The following STRIP2 variants were observed in gnomAD, a reference collection of about 807,000 sequenced individuals.
STRIP2 encodes striatin-interacting protein 2.
A neutral mutation model predicts 107.1 loss-of-function variants in STRIP2; 84 were observed. That is an observed-to-expected ratio of 0.78 (90% CI 0.66 to 0.94). The LOEUF (loss-of-function observed/expected upper bound fraction) is 0.94. Among genes scored for constraint, STRIP2 ranks in the 40% least tolerant of loss-of-function variants. The probability of loss-of-function intolerance (pLI) is 0.00; values close to 1 mark genes in which losing one functional copy is unlikely to be tolerated. For synonymous variants in STRIP2, 394 were observed against 400.4 expected, an observed-to-expected ratio of 0.98 and a Z score of 0.19; for missense variants, 888 against 1,034.2, an observed-to-expected ratio of 0.86 and a Z score of 1.94.
chr7:129,456,813 C>T (rs1316048322), intron 9 of STRIP2, among the ~76,000 whole-genome samples, 171 bp downstream of exon 9: 1 of 152,134 alleles, frequency 6.6e-6, no homozygotes, highest in Non-Finnish European at 1.5e-5. Flanking sequence ...CTCTGTCCCC[C>T]AGCCCTGACA....
At chr7:129,475,760 A>G (rs951536443) in intron 18 of STRIP2, among the ~76,000 whole-genome samples, 41 of 152,088 alleles carry the variant, frequency 2.7e-4, no homozygotes, top group African/African-American at 9.4e-4. Context: ...GGGAGTGGTG[A>G]TGACTCTTAA....
intron 15 of STRIP2, among the ~76,000 whole-genome samples, 189 bp downstream of exon 15, chr7:129,464,330 C>A (rs991396156): frequency 1.3e-5 from 2 of 151,986 alleles, no homozygotes; most frequent in Non-Finnish European, 2.9e-5. Flanking sequence ...AACTCTGGAT[C>A]TGGAGGGTGA....
At chr7:129,467,509 C>A in intron 17 of STRIP2, 59 bp downstream of exon 17, 1 of 1,257,186 alleles carries the variant, frequency 8.0e-7, no homozygotes, top group Non-Finnish European at 1.1e-6. Context: ...GAGAAAATTA[C>A]ATCATCTCGG....
intron 2 of STRIP2, among the ~76,000 whole-genome samples, chr7:129,443,249 A>G (rs1277343793): frequency 6.6e-6 from 1 of 152,140 alleles, no homozygotes; most frequent in Non-Finnish European, 1.5e-5. Flanking sequence ...TATGTTGCCC[A>G]GGCTAGACTC....
chr7:129,473,908 A>G (rs973276717), intron 18 of STRIP2, among the ~76,000 whole-genome samples: 5 of 151,512 alleles, frequency 3.3e-5, no homozygotes, highest in Non-Finnish European at 7.4e-5. Context: ...TAGTAGAGAC[A>G]GTGTTGTACT....
chr7:129,454,050 G>C, intron 5 of STRIP2, 92 bp from the exon 6 acceptor site: 1 of 1,203,824 alleles, frequency 8.3e-7, no homozygotes. Context: ...GCCAGGGAAT[G>C]GCAAGCACTC....
chr7:129,454,255 C>T (rs779474799), intron 6 of STRIP2, 45 bp downstream of exon 6: 2 of 1,592,404 alleles, frequency 1.3e-6, no homozygotes, highest in Non-Finnish European at 1.7e-6. Context: ...AGATGATTAG[C>T]ACCTGGGTTA....
intron 18 of STRIP2, chr7:129,477,935 T>G (rs1273025034): frequency 1.9e-6 from 1 of 521,314 alleles, no homozygotes; most frequent in East Asian, 5.5e-5. Context: ...ATCATTGAAA[T>G]TAAATGGTGG....
chr7:129,443,248 C>T (rs1308358754), intron 2 of STRIP2, among the ~76,000 whole-genome samples: 1 of 152,104 alleles, frequency 6.6e-6, no homozygotes, highest in Non-Finnish European at 1.5e-5. Context: ...CTATGTTGCC[C>T]AGGCTAGACT....
chr7:129,443,641 G>A (rs1797959158), intron 2 of STRIP2, among the ~76,000 whole-genome samples: 1 of 152,178 alleles, frequency 6.6e-6, no homozygotes, highest in Non-Finnish European at 1.5e-5. Context: ...TAAGTTTCAG[G>A]AGTTGTGTTG....
intron 2 of STRIP2, among the ~76,000 whole-genome samples, chr7:129,442,737 C>A (rs555888487): frequency 2.6e-5 from 4 of 152,316 alleles, no homozygotes; most frequent in Admixed American, 2.0e-4. Flanking sequence ...CTTCTGGTCA[C>A]TCCTAGATTC....
intron 13 of STRIP2, among the ~76,000 whole-genome samples, chr7:129,462,164 C>T (rs1798555988): frequency 6.6e-6 from 1 of 152,194 alleles, no homozygotes; most frequent in Non-Finnish European, 1.5e-5. Flanking sequence ...ATGAAATCAG[C>T]CTTTTGGAGA....
At chr7:129,457,312 C>G (rs138465247) in intron 9 of STRIP2, among the ~76,000 whole-genome samples, 310 of 152,272 alleles carry the variant, frequency 2.0e-3, no homozygotes, top group African/African-American at 6.9e-3. Flanking sequence ...GTTACTATAC[C>G]GAACACCATA....
At chr7:129,472,270 A>AAT (rs1798805459) in intron 18 of STRIP2, among the ~76,000 whole-genome samples, 1 of 152,158 alleles carries the variant, frequency 6.6e-6, no homozygotes, top group African/African-American at 2.4e-5. Flanking sequence ...TTCTTCCTAT[A>AAT]ATGTGTTTTT....
At position 129,453,230 on chromosome 7, in the gene STRIP2, C is replaced by A. The variant is rs141825074; in HGVS notation, c.413C>A (p.Thr138Asn). 1 of 1,614,064 alleles carries A rather than the reference C, an allele frequency of 6.2e-7. No homozygotes were observed. Among genetic ancestry groups the A allele is most frequent in the African/African-American group, 1.3e-5 (1 of 75,020 alleles). ...TAACAACTGTCTGGTCCTTTAGGTACTTTTGGGGAATGTGATTCAGAGGTC... is the reference window on the plus strand; with the variant it reads ...TAACAACTGTCTGGTCCTTTAGGTAATTTTGGGGAATGTGATTCAGAGGTC... The part of the protein sequence containing the change: ...ARAVLYLAQG[T>N]FGECDSEVDV... Residue 138 changes from threonine to asparagine, a missense_variant, in exon 5 of 21, where the codon ACT becomes AAT. Physicochemically the swap from Thr to Asn is moderately conservative, Grantham distance 65. Transcript: ENST00000249344.
At chr7:129,452,319 G>A (rs1409717504) in intron 4 of STRIP2, among the ~76,000 whole-genome samples, 1 of 152,102 alleles carries the variant, frequency 6.6e-6, no homozygotes, top group Non-Finnish European at 1.5e-5. Context: ...AGATAGCCTA[G>A]CTGGAGTGAA....
intron 2 of STRIP2, among the ~76,000 whole-genome samples, chr7:129,442,153 A>T (rs974594551): frequency 6.6e-6 from 1 of 152,142 alleles, no homozygotes; most frequent in African/African-American, 2.4e-5. Context: ...TGAACCTGGG[A>T]GGCAGAGGTT....
chr7:129,456,337 G>A (rs1359581107), intron 8 of STRIP2, 102 bp from the exon 9 acceptor site: 6 of 985,468 alleles, frequency 6.1e-6, no homozygotes, highest in Non-Finnish European at 9.3e-6. Context: ...TGAAGGGACT[G>A]GAGGTTGTGG....
At chr7:129,467,325 C>T in intron 16 of STRIP2, 25 bp from the exon 17 acceptor site, 1 of 1,546,538 alleles carries the variant, frequency 6.5e-7, no homozygotes, top group Non-Finnish European at 8.9e-7. Flanking sequence ...ATAAGCAGCC[C>T]TTTCTGCTTT....
Sources: gnomAD v4.1 joint callset for allele counts (sites outside exome capture counted in the v4.1 genomes callset) on GRCh38, gnomAD v4.1.1 for gene constraint, MANE v1.5 for transcripts, NCBI Gene and HGNC (gene_info 2026-07-23, HGNC 2026-07-21) for gene names.